The following ABLIM3 variants were observed in gnomAD, a reference collection of about 807,000 sequenced individuals.
ABLIM3 encodes actin binding LIM protein family member 3, also known as actin-binding LIM protein 3.
ABLIM3 carries 61 observed loss-of-function variants against 109.5 expected under a neutral mutation model. The observed-to-expected ratio is 0.56, with a 90% CI of 0.45 to 0.69. The LOEUF (loss-of-function observed/expected upper bound fraction) is 0.69. ABLIM3 is among the 30% of genes least tolerant of loss of function. The probability of loss-of-function intolerance (pLI) is 0.00; values close to 1 mark genes in which losing one functional copy is unlikely to be tolerated. For missense variants in ABLIM3, 796 were observed against 889.5 expected (o/e 0.89, Z 1.34); for synonymous variants, 300 against 324.8 (o/e 0.92, Z 0.82).
chr5:149,217,106 C>G, intron 8 of ABLIM3, 60 bp downstream of exon 8: 2 of 1,469,738 alleles, frequency 1.4e-6, no homozygotes, highest in Non-Finnish European at 1.9e-6. Context: ...AAAGGAGATG[C>G]GATCTTCAGG....
chr5:149,200,458 C>A, intron 5 of ABLIM3, 30 bp downstream of exon 5: 1 of 1,600,458 alleles, frequency 6.2e-7, no homozygotes, highest in South Asian at 1.1e-5. Context: ...ATCTCCCTGT[C>A]CATGGGTGTG....
chr5:149,197,576 A>G (rs1339106213), intron 3 of ABLIM3, among the ~76,000 whole-genome samples: 3 of 152,170 alleles, frequency 2.0e-5, no homozygotes, highest in Admixed American at 6.5e-5. Flanking sequence ...CCTTATGGCT[A>G]TGGTGAGCAC....
At chr5:149,242,420 T>A in intron 14 of ABLIM3, 71 bp from the exon 15 acceptor site, 4 of 1,491,530 alleles carry the variant, frequency 2.7e-6, no homozygotes, top group Non-Finnish European at 3.7e-6. Flanking sequence ...CCAAGTACTA[T>A]CTCCTTTTCT....
At chr5:149,148,060 G>A (rs543100591) in intron 2 of ABLIM3, among the ~76,000 whole-genome samples, 2 of 152,210 alleles carry the variant, frequency 1.3e-5, no homozygotes, top group East Asian at 1.9e-4. Context: ...CCTGAAGTGT[G>A]ATTTTTTAAG....
At chr5:149,202,464 G>A (rs893753386) in intron 5 of ABLIM3, among the ~76,000 whole-genome samples, 3 of 152,168 alleles carry the variant, frequency 2.0e-5, no homozygotes, top group African/African-American at 4.8e-5. Context: ...TTCTCCAAAG[G>A]TGGTCACTAT....
chr5:149,147,733 G>T (rs1285254492), intron 2 of ABLIM3, among the ~76,000 whole-genome samples: 1 of 152,158 alleles, frequency 6.6e-6, no homozygotes, highest in Non-Finnish European at 1.5e-5. Flanking sequence ...GAATCAGACT[G>T]TTCCAGGTTC....
chr5:149,153,867 C>T (rs1303419405), intron 2 of ABLIM3, among the ~76,000 whole-genome samples: 4 of 152,348 alleles, frequency 2.6e-5, no homozygotes, highest in African/African-American at 9.6e-5. Context: ...CCACATGCCG[C>T]CCTGCTGTTC....
intron 7 of ABLIM3, among the ~76,000 whole-genome samples, chr5:149,214,460 T>G (rs576214485): frequency 1.2e-3 from 190 of 152,334 alleles, no homozygotes; most frequent in Middle Eastern, 3.4e-3. Flanking sequence ...CTGACTCTCA[T>G]TGGACAATCT....
intron 2 of ABLIM3, among the ~76,000 whole-genome samples, chr5:149,155,827 G>A (rs1013970954): frequency 5.3e-5 from 8 of 152,200 alleles, no homozygotes; most frequent in African/African-American, 1.7e-4. Context: ...AGTTGGTGAG[G>A]ATCAGCTCTT....
intron 1 of ABLIM3, 119 bp from the exon 2 acceptor site, chr5:149,141,890 C>T: frequency 1.4e-6 from 1 of 700,104 alleles, no homozygotes; most frequent in South Asian, 1.8e-5. Context: ...TCACCTGCGC[C>T]TATTAGTCCA....
At chr5:149,247,655 C>T (rs773578964) in intron 17 of ABLIM3, 127 bp from the exon 18 acceptor site, 45 of 1,221,472 alleles carry the variant, frequency 3.7e-5, no homozygotes, top group South Asian at 2.0e-4. Context: ...GTGGGAGGGA[C>T]GCTGGGAAGG....
At chr5:149,177,104 C>T (rs749877965) in intron 2 of ABLIM3, 1 of 152,208 alleles carries the variant, frequency 6.6e-6, no homozygotes, top group Non-Finnish European at 1.5e-5. Flanking sequence ...GAAACAATGA[C>T]ACAATGAGAT....
rs537612961 is a variant in ABLIM3, at chr5:149,232,031, A to T, written c.817-1198A>T. Among the ~76,000 whole-genome samples the T allele has an allele frequency of 3.7e-3, 556 of 152,322 alleles. 2 individuals are homozygous for T. Among genetic ancestry groups the T allele is most frequent in the Non-Finnish European group, 5.9e-3 (402 of 68,030 alleles). ...GTTTAAAAAGGGAAATTGGGCTGGG[A>T]GTGGTGGCTCAAGTCTGTAATCCCA... On this transcript the variant is annotated intron_variant, in intron 9 of 23. Transcript: ENST00000309868.
At chr5:149,159,048 CAT>C (rs1243057858) in intron 2 of ABLIM3, among the ~76,000 whole-genome samples, 4 of 152,178 alleles carry the variant, frequency 2.6e-5, no homozygotes, top group Admixed American at 6.5e-5. Flanking sequence ...ACGATAAAAA[CAT>C]ATATCTGCAA....
At chr5:149,164,657 C>T (rs1005680546) in intron 2 of ABLIM3, among the ~76,000 whole-genome samples, 4 of 151,972 alleles carry the variant, frequency 2.6e-5, no homozygotes, top group Non-Finnish European at 5.9e-5. Context: ...AGAATGCATC[C>T]GTTTGAGAAC....
intron 3 of ABLIM3, among the ~76,000 whole-genome samples, chr5:149,187,201 C>A (rs1757039299): frequency 6.6e-6 from 1 of 152,166 alleles, no homozygotes; most frequent in Non-Finnish European, 1.5e-5. Flanking sequence ...TATGAATTAT[C>A]TAGAGCTGTT....
intron 8 of ABLIM3, chr5:149,220,336 A>G (rs1031653215): frequency 6.6e-6 from 1 of 152,194 alleles, no homozygotes; most frequent in African/African-American, 2.4e-5. Flanking sequence ...GAGAGAATGC[A>G]CCATTAAACC....
Position 149,223,114 on chromosome 5 carries a change from G to A in ABLIM3, c.757+6068G>A, listed in dbSNP as rs557621341. Among the ~76,000 whole-genome samples, 514 of 150,590 alleles carry A rather than the reference G, an allele frequency of 3.4e-3. 5 individuals carry two copies. Among genetic ancestry groups the A allele is most frequent in the African/African-American group, 0.012 (490 of 40,142 alleles). ...AATAGAGTATATTTTAATTTTTGGC[G>A]AGCTGCCATTTTTTTTTTTATTTAG... On this transcript the variant is annotated intron_variant, in intron 8 of 23. Transcript: ENST00000309868.
At chr5:149,249,971 T>G in intron 19 of ABLIM3, 127 bp downstream of exon 19, 1 of 1,155,856 alleles carries the variant, frequency 8.7e-7, no homozygotes, top group Non-Finnish European at 1.3e-6. Flanking sequence ...TGATCTCAAA[T>G]AGTCTACTCC....
Sources: gnomAD v4.1 joint callset for allele counts (sites outside exome capture counted in the v4.1 genomes callset) on GRCh38, gnomAD v4.1.1 for gene constraint, MANE v1.5 for transcripts, NCBI Gene and HGNC (gene_info 2026-07-23, HGNC 2026-07-21) for gene names.